The following COBL variants were observed in gnomAD, a reference collection of about 807,000 sequenced individuals.
COBL encodes protein cordon-bleu.
In COBL, 51 loss-of-function variants were observed where a neutral mutation model predicts 98.8. The observed-to-expected ratio is 0.52, with a 90% confidence interval of 0.41 to 0.65. COBL has a LOEUF of 0.65. Among genes scored for constraint, COBL ranks in the 30% least tolerant of loss-of-function variants. The pLI, the probability that COBL is intolerant of heterozygous loss-of-function variation, is 0.00. For missense variants in COBL, 1,617 were observed against 1,617.5 expected, an observed-to-expected ratio of 1.00 and a Z score of 0.01; for synonymous variants, 634 against 651.7, an observed-to-expected ratio of 0.97 and a Z score of 0.41.
intron 2 of COBL, among the ~76,000 whole-genome samples, chr7:51,210,501 C>A (rs892804561): frequency 1.3e-5 from 2 of 152,192 alleles, no homozygotes; most frequent in African/African-American, 4.8e-5. Flanking sequence ...CTGCCAGGAG[C>A]TCCAGCTTTG....
intron 1 of COBL, among the ~76,000 whole-genome samples, chr7:51,246,807 G>A (rs1409395125): frequency 1.3e-5 from 2 of 152,064 alleles, no homozygotes; most frequent in African/African-American, 4.8e-5. Context: ...GGCTTTTTTT[G>A]TGCAGATGAC....
intron 7 of COBL, among the ~76,000 whole-genome samples, 158 bp from the exon 8 acceptor site, chr7:51,043,850 T>G (rs1376468347): frequency 6.6e-6 from 1 of 152,226 alleles, no homozygotes; most frequent in African/African-American, 2.4e-5. Flanking sequence ...TGAATACTCC[T>G]GAAACATTTT....
intron 6 of COBL, among the ~76,000 whole-genome samples, chr7:51,118,649 T>G (rs1797492719): frequency 1.3e-5 from 2 of 151,570 alleles, no homozygotes; most frequent in Admixed American, 1.3e-4. Flanking sequence ...GGTGTCACAT[T>G]AGGGTGTGTT....
At chr7:51,270,642 C>T (rs1584364462) in intron 1 of COBL, among the ~76,000 whole-genome samples, 1 of 152,062 alleles carries the variant, frequency 6.6e-6, no homozygotes, top group East Asian at 1.9e-4. Context: ...TGAGACTGGA[C>T]TTTAAAGGCA....
intron 2 of COBL, among the ~76,000 whole-genome samples, chr7:51,198,878 T>C (rs879623001): frequency 1.3e-5 from 2 of 152,024 alleles, no homozygotes; most frequent in Non-Finnish European, 1.5e-5. Flanking sequence ...AGATAGGAGG[T>C]TGTGAAACCC....
chr7:51,054,362 G>T (rs1790520697), intron 7 of COBL, among the ~76,000 whole-genome samples: 1 of 151,884 alleles, frequency 6.6e-6, no homozygotes, highest in South Asian at 2.1e-4. Context: ...CCACTGGGTT[G>T]GCCCCACAGT....
chr7:51,052,334 G>A (rs1275638540), intron 7 of COBL, among the ~76,000 whole-genome samples: 1 of 152,120 alleles, frequency 6.6e-6, no homozygotes, highest in Non-Finnish European at 1.5e-5. Flanking sequence ...TAACCAACGT[G>A]TTACATGAAT....
intron 5 of COBL, among the ~76,000 whole-genome samples, chr7:51,142,758 T>C (rs1362507786): frequency 6.6e-6 from 1 of 152,224 alleles, no homozygotes; most frequent in East Asian, 1.9e-4. Context: ...TTCAGTCTTA[T>C]GAAGCAGGAC....
chr7:51,216,137 C>A (rs1793017498), intron 2 of COBL, among the ~76,000 whole-genome samples: 1 of 152,226 alleles, frequency 6.6e-6, no homozygotes. Context: ...ATGACACAGC[C>A]TAGCACACTA....
chr7:51,137,684 T>C (rs1161246217), intron 5 of COBL, among the ~76,000 whole-genome samples: 1 of 152,190 alleles, frequency 6.6e-6, no homozygotes, highest in Non-Finnish European at 1.5e-5. Context: ...TTGTCTCCCA[T>C]TAAGATGTGA....
chr7:51,313,176 T>A (rs904333558), intron 1 of COBL, among the ~76,000 whole-genome samples: 2 of 152,174 alleles, frequency 1.3e-5, no homozygotes, highest in Admixed American at 1.3e-4. Flanking sequence ...GTAAACACTT[T>A]CTCTAACATG....
intron 6 of COBL, among the ~76,000 whole-genome samples, chr7:51,135,680 A>C (rs571870586): frequency 2.0e-5 from 3 of 152,324 alleles, no homozygotes; most frequent in Non-Finnish European, 4.4e-5. Context: ...TGACACTCTC[A>C]AACTATGCAA....
chr7:51,213,848 G>A (rs1199829047), intron 2 of COBL, among the ~76,000 whole-genome samples: 1 of 152,112 alleles, frequency 6.6e-6, no homozygotes, highest in African/African-American at 2.4e-5. Flanking sequence ...ACACCTCCTG[G>A]GGCCAAGCAG....
chr7:51,160,468 G>GA (rs1562979673), intron 5 of COBL, among the ~76,000 whole-genome samples: 2 of 152,174 alleles, frequency 1.3e-5, no homozygotes, highest in South Asian at 4.1e-4. Context: ...CCTCCCAAAT[G>GA]AAAAAAGGCT....
At chr7:51,264,557 G>A (rs1584347678) in intron 1 of COBL, among the ~76,000 whole-genome samples, 1 of 151,082 alleles carries the variant, frequency 6.6e-6, no homozygotes, top group East Asian at 2.0e-4. Context: ...TGTAATCCCA[G>A]CTACTCGGGA....
intron 12 of COBL, chr7:51,023,011 C>T (rs1054606868): frequency 6.6e-6 from 1 of 152,156 alleles, no homozygotes; most frequent in African/African-American, 2.4e-5. Context: ...ACCCTGGGAT[C>T]AGTAGAGTGA....
At position 51,028,908 on chromosome 7, in the gene COBL, C is replaced by A. The variant is rs774884632; in HGVS notation, c.2188G>T (p.Ala730Ser). 6.2e-7 allele frequency: 1 copy of A among 1,614,182 alleles called. No homozygotes were observed. Among genetic ancestry groups the A allele is most frequent in the Non-Finnish European group, 8.5e-7 (1 of 1,180,038 alleles). ...TTCCCCAGCTCGTCAATCTTAATGG[C>A]TCCGGTGGAGAGGGACACATCTCTG... Reference protein sequence around the residue: ...YDRDVSLSTGAIKIDELGNLV... With the variant: ...YDRDVSLSTGSIKIDELGNLV... The change falls in exon 10 of 13, where the codon GCC (alanine) becomes TCC (serine). Residue 730 changes from alanine (A) to serine (S), a missense_variant. Physicochemically the swap from Ala to Ser is moderately conservative, Grantham distance 99. Around this residue, in one of 3 missense-constraint regions of COBL, gnomAD observed 1,304 missense variants for 1,282.0 expected, o/e 1.02. Transcript: ENST00000265136.
intron 6 of COBL, among the ~76,000 whole-genome samples, chr7:51,129,485 A>G (rs1025917939): frequency 1.3e-5 from 2 of 151,760 alleles, no homozygotes; most frequent in African/African-American, 4.9e-5. Flanking sequence ...GAGATGACCC[A>G]CACATGTTTG....
chr7:51,058,345 T>C (rs1382627475), intron 7 of COBL, among the ~76,000 whole-genome samples: 14 of 152,200 alleles, frequency 9.2e-5, no homozygotes, highest in Non-Finnish European at 5.9e-5. Flanking sequence ...CCCAGGAATG[T>C]GAGACCAGCC....
Sources: allele counts gnomAD v4.1 joint callset (sites outside exome capture counted in the v4.1 genomes callset), GRCh38; gene constraint gnomAD v4.1.1; regional missense constraint gnomAD v4.1.1; transcripts MANE v1.5; gene names NCBI Gene and HGNC (gene_info 2026-07-23, HGNC 2026-07-21).